The following SSC5D variants were observed in gnomAD, a reference collection of about 807,000 sequenced individuals.
SSC5D encodes the protein scavenger receptor cysteine rich family member with 5 domains.
SSC5D carries 106 observed loss-of-function variants against 104.6 expected under a neutral mutation model. The ratio of observed to expected loss-of-function variants is 1.01; its 90% CI spans 0.87 to 1.19. SSC5D has a LOEUF of 1.19. Among genes scored for constraint, SSC5D ranks in the 50% most tolerant of loss-of-function variants. The probability of loss-of-function intolerance (pLI) is 0.00; values close to 1 mark genes in which losing one functional copy is unlikely to be tolerated. For missense variants in SSC5D, 1,993 were observed against 2,153.8 expected (o/e 0.93, Z 1.48); for synonymous variants, 860 against 883.5 (o/e 0.97, Z 0.47).
At position 55,519,060 on chromosome 19, in the gene SSC5D, ACC is replaced by A. The variant is rs372897997; in HGVS notation, c.*66_*67del. On this transcript the variant is annotated 3_prime_UTR_variant, in exon 14 of 14. Coordinates refer to ENST00000389623, the MANE Select transcript of SSC5D (RefSeq NM_001144950.2). ...ACCAAAAAAAACAAAAACAAAAAAA[ACC>A]CCCAAAGTATCTAATTAAAAACAAG... 7.4e-6 allele frequency: 11 copies of A among 1,483,136 alleles called. No individual in the cohort carries two copies. The highest frequency in any genetic ancestry group is 1.4e-5 in the African/African-American group (1 of 69,940). 91.9% of individuals were successfully genotyped at this position (1,483,136 alleles called of 1,614,324 possible). A position where few individuals can be genotyped will look rare whatever the true frequency, so the allele number is the denominator to read the frequency against.
chr19:55,517,300 C>T lies in SSC5D; in HGVS notation c.3024C>T (p.Ser1008=). 6.5e-7 allele frequency: 1 copy of T among 1,549,150 alleles called. No homozygotes were observed. The highest frequency in any genetic ancestry group is 8.7e-7 in the Non-Finnish European group (1 of 1,146,844). ...AATRTAPPTP[S]PGPSASPGPP... The stretch of plus-strand genomic sequence containing the variant: ...CCAGGACAGCGCCCCCAACCCCGTC[C>T]CCAGGTCCCTCCGCCTCTCCGGGAC... Residue 1008 remains serine, a synonymous_variant, in exon 14 of 14, where the codon TCC becomes TCT. Coordinates refer to ENST00000389623, the MANE Select transcript of SSC5D (RefSeq NM_001144950.2).
chr19:55,513,650 A>C (rs1484253207), intron 13 of SSC5D, among the ~76,000 whole-genome samples: 1 of 152,132 alleles, frequency 6.6e-6, no homozygotes, highest in East Asian at 1.9e-4. Flanking sequence ...CCCCAAGGGG[A>C]ATTTGGCAAT....
At chr19:55,511,372 T>A (rs965775690) in intron 12 of SSC5D, among the ~76,000 whole-genome samples, 1 of 152,038 alleles carries the variant, frequency 6.6e-6, no homozygotes, top group East Asian at 1.9e-4. Flanking sequence ...TCTTGGACAC[T>A]GCCCTTCTGC....
chr19:55,493,681 G>T lies in SSC5D; in HGVS notation c.982G>T (p.Val328Leu). 1 of 1,511,776 alleles carries T rather than the reference G, an allele frequency of 6.6e-7. No homozygotes were observed. The highest frequency in any genetic ancestry group is 8.8e-7 in the Non-Finnish European group (1 of 1,136,048). The allele number at this position is 1,511,776 out of a possible 1,614,324, so 93.6% of individuals were successfully genotyped here. A position where few individuals can be genotyped will look rare whatever the true frequency, so the allele number is the denominator to read the frequency against. The change falls in exon 7 of 14, where the codon GTG becomes TTG. Residue 328 changes from valine to leucine, a missense_variant. Val to Leu is a conservative substitution (Grantham distance 32). Transcript: ENST00000389623. ...CTGGCACGGGGGTCGCTGGGGGTCG[G>T]TGTGTGACGACGCCTGGGACCTGCG... is the stretch of plus-strand genomic sequence containing the variant. ...EVWHGGRWGS[V>L]CDDAWDLRDA... is the part of the protein sequence containing the mutation.
At chr19:55,514,598 TA>T (rs34453728) in intron 13 of SSC5D, among the ~76,000 whole-genome samples, 15,478 of 123,890 alleles carry the variant, frequency 0.12, 1,156 homozygotes, top group African/African-American at 0.23. Context: ...AAGACTCTGT[TA>T]AAAAAAAAAA....
At chr19:55,514,393 A>C (rs1465872862) in intron 13 of SSC5D, among the ~76,000 whole-genome samples, 1 of 146,892 alleles carries the variant, frequency 6.8e-6, no homozygotes, top group Non-Finnish European at 1.5e-5. Context: ...CAACAGAGTG[A>C]GACTCTGTCT....
At chr19:55,489,317 G>A in intron 2 of SSC5D, 37 bp from the exon 3 acceptor site, 1 of 1,421,492 alleles carries the variant, frequency 7.0e-7, no homozygotes. Flanking sequence ...CCCCCAGGAT[G>A]CCCCTCCCCA....
At chr19:55,508,033 G>A (rs988761551) in intron 12 of SSC5D, among the ~76,000 whole-genome samples, 4 of 152,160 alleles carry the variant, frequency 2.6e-5, no homozygotes, top group African/African-American at 7.2e-5. Context: ...GGCAGGGAAC[G>A]GGTACCTTTT....
intron 8 of SSC5D, among the ~76,000 whole-genome samples, chr19:55,497,456 A>C (rs1227813289): frequency 1.3e-5 from 2 of 152,258 alleles, no homozygotes; most frequent in Non-Finnish European, 2.9e-5. Flanking sequence ...AAAGTTAACC[A>C]GTTTAAGTAT....
In SSC5D at chr19:55,514,406, AAATAATAATAATAAT is replaced by A. The variant is rs55837985; in HGVS notation, c.2947+1272_2947+1286del. ...GGCAACAGAGTGAGACTCTGTCTCA[AAATAATAATAATAAT>A]AATAATAATAATAATAATAATAATA... On this transcript the variant is annotated intron_variant, in intron 13 of 13. Transcript: ENST00000389623. Among the ~76,000 whole-genome samples, 104 of 99,582 alleles carry A rather than the reference AAATAATAATAATAAT, an allele frequency of 1.0e-3. 1 individual carries two copies. Among genetic ancestry groups the A allele is most frequent in the South Asian group, 2.3e-3 (6 of 2,592 alleles). The allele number at this position is 99,582 out of a possible 152,430, so 65.3% of individuals were successfully genotyped here.
At chr19:55,497,732 C>T (rs1244869538) in intron 8 of SSC5D, 148 bp from the exon 9 acceptor site, 1 of 798,014 alleles carries the variant, frequency 1.3e-6, no homozygotes, top group African/African-American at 1.7e-5. Context: ...TCATGAAATA[C>T]TTGCTGCCTG....
intron 12 of SSC5D, among the ~76,000 whole-genome samples, chr19:55,505,593 G>T (rs908493395): frequency 6.6e-6 from 1 of 151,730 alleles, no homozygotes; most frequent in African/African-American, 2.4e-5. Flanking sequence ...CCATTTCCCT[G>T]CCTTTTCCAG....
At position 55,500,881 on chromosome 19, in the gene SSC5D, G is replaced by A; in HGVS notation, c.2617+77G>A. The A allele has an allele frequency of 6.6e-7, 1 of 1,504,162 alleles. No individual in the cohort carries two copies. The highest frequency in any genetic ancestry group is 8.9e-7 in the Non-Finnish European group (1 of 1,118,206). 93.2% of individuals were successfully genotyped at this position (1,504,162 alleles called of 1,614,324 possible). On this transcript the variant is annotated intron_variant, in intron 11 of 13. Transcript: ENST00000389623. This position sits in a 1 kb window ranked among gnomAD's most constrained non-coding sequence, Gnocchi z 4.6. Reference sequence around the variant, plus strand: ...GGAGTCAGGGTGGGGCCAGGTGACGGCACCATGGTCGACTCTAAAGAACTG... The same window carrying A: ...GGAGTCAGGGTGGGGCCAGGTGACGACACCATGGTCGACTCTAAAGAACTG...
chr19:55,497,847 C>T (rs570568604), intron 8 of SSC5D, 33 bp from the exon 9 acceptor site: 124 of 1,487,158 alleles, frequency 8.3e-5, no homozygotes, highest in Non-Finnish European at 1.0e-4. Context: ...GCGGCTTCCC[C>T]GACTCTAATT....
chr19:55,489,613 G>A lies in SSC5D; in HGVS notation c.312G>A (p.Trp104Ter). The change falls in exon 3 of 14, where the codon TGG (tryptophan) becomes TGA (stop). Residue 104 changes from tryptophan to a stop codon, truncating the protein, a stop_gained. Coordinates refer to ENST00000389623, the MANE Select transcript of SSC5D (RefSeq NM_001144950.2). LOFTEE classifies it high-confidence loss of function. ...TGGGCCTCTGCCACCACCGGGGCTG[G>A]AAGGCCCACATCTGCTCCCACGAGG... ...GQLGLCHHRG[W>*]KAHICSHEED... 1 of 1,531,428 alleles carries A rather than the reference G, an allele frequency of 6.5e-7. No homozygotes were observed. The highest frequency in any genetic ancestry group is 8.7e-7 in the Non-Finnish European group (1 of 1,144,332). The allele number at this position is 1,531,428 out of a possible 1,614,324, so 94.9% of individuals were successfully genotyped here. A position where few individuals can be genotyped will look rare whatever the true frequency, so the allele number is the denominator to read the frequency against.
intron 8 of SSC5D, among the ~76,000 whole-genome samples, chr19:55,495,438 G>T (rs766803609): frequency 2.7e-5 from 4 of 146,544 alleles, no homozygotes; most frequent in Admixed American, 1.4e-4. Flanking sequence ...TTGCCATGTT[G>T]CCTAGGCTGG....
chr19:55,493,954 G>A (rs935892195), intron 7 of SSC5D, 42 bp downstream of exon 7: 4 of 1,150,152 alleles, frequency 3.5e-6, no homozygotes, highest in African/African-American at 1.6e-5. Context: ...GGGCGTGGTG[G>A]TGCTTGGAGC....
intron 12 of SSC5D, 91 bp from the exon 13 acceptor site, chr19:55,512,920 C>G: frequency 2.0e-6 from 3 of 1,490,476 alleles, no homozygotes; most frequent in Non-Finnish European, 2.7e-6. Flanking sequence ...GGGATGATGC[C>G]TGAACTGGGG....
At chr19:55,517,032 A>G (rs1435893101) in intron 13 of SSC5D, among the ~76,000 whole-genome samples, 192 bp from the exon 14 acceptor site, 1 of 152,114 alleles carries the variant, frequency 6.6e-6, no homozygotes, top group Non-Finnish European at 1.5e-5. Context: ...GGAGGACGCC[A>G]GGTGGCGCCT....
Sources: allele counts gnomAD v4.1 joint callset (sites outside exome capture counted in the v4.1 genomes callset), GRCh38; gene constraint gnomAD v4.1.1; non-coding constraint Gnocchi (gnomAD v3.1); transcripts MANE v1.5; gene names NCBI Gene and HGNC (gene_info 2026-07-23, HGNC 2026-07-21).